SH3KBP1: variants seen among roughly 807,000 people sequenced by gnomAD.
SH3KBP1 encodes the protein SH3 domain-containing kinase-binding protein 1.
Under a neutral mutation model 50.1 loss-of-function variants are expected in SH3KBP1, and 8 were observed. That is an observed-to-expected ratio of 0.16 (90% CI 0.09 to 0.29). The LOEUF is 0.29. SH3KBP1 is among the 10% of genes least tolerant of loss of function. SH3KBP1 has a pLI of 1.00. For synonymous variants in SH3KBP1, 227 were observed against 218.6 expected (o/e 1.04, Z -0.34); for missense variants, 377 against 535.2 (o/e 0.70, Z 2.92).
intron 2 of SH3KBP1, among the ~76,000 whole-genome samples, chrX:19,787,941 T>C (rs367699446): frequency 9.0e-6 from 1 of 111,407 alleles, no homozygotes; most frequent in African/African-American, 3.3e-5. Flanking sequence ...AGGGTTCCAA[T>C]ATAATTGGTG....
At chrX:19,565,050 A>ATTT (rs1406031900) in intron 13 of SH3KBP1, among the ~76,000 whole-genome samples, 2 of 76,939 alleles carry the variant, frequency 2.6e-5, no homozygotes, top group Non-Finnish European at 4.8e-5. Context: ...CTTCAACTCC[A>ATTT]ATTTTTTTTT....
intron 13 of SH3KBP1, among the ~76,000 whole-genome samples, chrX:19,558,192 C>A (rs2065552107): frequency 8.9e-6 from 1 of 112,659 alleles, no homozygotes; most frequent in Admixed American, 9.4e-5. Context: ...TGCCATTTGG[C>A]AATACCTATT....
chrX:19,783,182 T>G (rs923391284), intron 2 of SH3KBP1, among the ~76,000 whole-genome samples: 3 of 112,166 alleles, frequency 2.7e-5, no homozygotes, highest in Admixed American at 9.4e-5. Context: ...CAACCCTTTT[T>G]CTCGTTGCAA....
At chrX:19,756,413 C>T (rs979822979) in intron 2 of SH3KBP1, among the ~76,000 whole-genome samples, 2 of 110,750 alleles carry the variant, frequency 1.8e-5, no homozygotes, top group African/African-American at 6.6e-5. Context: ...CAGAATTTGA[C>T]AGTTTAGGGA....
At chrX:19,599,514 T>C (rs963673060) in intron 9 of SH3KBP1, among the ~76,000 whole-genome samples, 1 of 111,968 alleles carries the variant, frequency 8.9e-6, no homozygotes, top group African/African-American at 3.2e-5. Flanking sequence ...GCAGAGGCAG[T>C]TGGGAGCACA....
chrX:19,663,041 T>C (rs981091152), intron 6 of SH3KBP1, among the ~76,000 whole-genome samples: 1 of 111,421 alleles, frequency 9.0e-6, no homozygotes, highest in African/African-American at 3.3e-5. Context: ...GGTTGTAAGT[T>C]ATCTTTTAAG....
At chrX:19,730,182 G>A (rs1239535749) in intron 3 of SH3KBP1, among the ~76,000 whole-genome samples, 1 of 110,823 alleles carries the variant, frequency 9.0e-6, no homozygotes, top group East Asian at 2.8e-4. Context: ...AAAACAACTG[G>A]TATCATTTTT....
At chrX:19,841,682 A>AATGTTCTTTCTAATG (rs2068222913) in intron 1 of SH3KBP1, among the ~76,000 whole-genome samples, 2 of 111,453 alleles carry the variant, frequency 1.8e-5, no homozygotes, top group African/African-American at 6.5e-5. Context: ...AAAGAACATC[A>AATGTTCTTTCTAATG]GATATCATCT....
At position 19,644,636 on chromosome X, in the gene SH3KBP1, T is replaced by C. The variant is rs143479605; in HGVS notation, c.802+764A>G. The stretch of plus-strand genomic sequence containing the variant: ...AGGTATACTATGCCTATGAAATACA[T>C]ATGGGATTGTGAAGACTTCACATGA... On this transcript the variant is annotated intron_variant, in intron 7 of 17. Transcript: ENST00000397821. 6.6e-3 allele frequency among the ~76,000 whole-genome samples: 743 copies of C among 112,396 alleles called. 8 individuals carry two copies. The highest frequency in any genetic ancestry group is 0.023 in the African/African-American group (719 of 30,783).
At chrX:19,698,228 A>G (rs2063466880) in intron 4 of SH3KBP1, among the ~76,000 whole-genome samples, 1 of 111,853 alleles carries the variant, frequency 8.9e-6, no homozygotes, top group Admixed American at 9.5e-5. Context: ...AATCAAGGGC[A>G]TGAACCACAA....
intron 1 of SH3KBP1, among the ~76,000 whole-genome samples, chrX:19,863,421 G>A (rs2068827518): frequency 8.9e-6 from 1 of 111,955 alleles, no homozygotes; most frequent in Non-Finnish European, 1.9e-5. Flanking sequence ...TGGCCAAAAC[G>A]TGTCTGAGAC....
chrX:19,583,125 CATTATTATTATTATT>C (rs200762944), intron 12 of SH3KBP1, among the ~76,000 whole-genome samples: 22,277 of 95,004 alleles, frequency 0.23, 1,881 homozygotes, highest in African/African-American at 0.29. Context: ...TGCTAATACA[CATTATTATTATTATT>C]ATTATTATTA....
chrX:19,664,115 T>A (rs759112824), intron 6 of SH3KBP1, among the ~76,000 whole-genome samples: 4 of 111,429 alleles, frequency 3.6e-5, no homozygotes, highest in East Asian at 2.8e-4. Flanking sequence ...ATGGGACGCC[T>A]CTTTCTCAGT....
chrX:19,727,909 C>T (rs969608060), intron 3 of SH3KBP1, among the ~76,000 whole-genome samples: 1 of 109,694 alleles, frequency 9.1e-6, no homozygotes, highest in Non-Finnish European at 1.9e-5. Flanking sequence ...CACTTGAACC[C>T]GGTTGCAGTG....
intron 1 of SH3KBP1, among the ~76,000 whole-genome samples, chrX:19,856,685 G>A (rs894032019): frequency 5.4e-5 from 6 of 110,745 alleles, no homozygotes; most frequent in African/African-American, 6.6e-5. Flanking sequence ...TACAGCCTTC[G>A]AAAGGAACCT....
intron 2 of SH3KBP1, among the ~76,000 whole-genome samples, chrX:19,752,268 A>C (rs1569455976): frequency 8.9e-6 from 1 of 112,197 alleles, no homozygotes; most frequent in East Asian, 2.8e-4. Context: ...CAACACTTAA[A>C]GTCTCTATGC....
chrX:19,697,851 C>T (rs1261521106), intron 4 of SH3KBP1, among the ~76,000 whole-genome samples: 1 of 111,892 alleles, frequency 8.9e-6, no homozygotes, highest in Non-Finnish European at 1.9e-5. Flanking sequence ...AAGTTTAGAG[C>T]ATTTATAAGG....
intron 6 of SH3KBP1, among the ~76,000 whole-genome samples, chrX:19,658,264 C>G (rs751312879): frequency 3.5e-4 from 39 of 111,540 alleles, no homozygotes; most frequent in Admixed American, 1.0e-3. Context: ...TTTCCAGAAG[C>G]TTTCCATCTC....
chrX:19,795,805 G>A (rs964823022), intron 2 of SH3KBP1, among the ~76,000 whole-genome samples: 2 of 111,902 alleles, frequency 1.8e-5, no homozygotes, highest in Non-Finnish European at 3.8e-5. Context: ...TTTTGATCTC[G>A]TGCTAATTAT....
Sources: allele counts gnomAD v4.1 joint callset (sites outside exome capture counted in the v4.1 genomes callset), GRCh38; gene constraint gnomAD v4.1.1; transcripts MANE v1.5; gene names NCBI Gene and HGNC (gene_info 2026-07-23, HGNC 2026-07-21).